The following PTPRA variants were observed in gnomAD, a reference collection of about 807,000 sequenced individuals.
The protein encoded by PTPRA is receptor-type tyrosine-protein phosphatase alpha.
PTPRA carries 25 observed loss-of-function variants against 104.8 expected under a neutral mutation model. That is an observed-to-expected ratio of 0.24 (90% CI 0.17 to 0.33). The LOEUF is 0.33. Ranked by LOEUF, PTPRA falls within the 10% of genes least tolerant of loss-of-function variation. PTPRA has a pLI of 1.00. For synonymous variants in PTPRA, 323 were observed against 368.9 expected, an observed-to-expected ratio of 0.88 and a Z score of 1.43; for missense variants, 765 against 1,015.3, an observed-to-expected ratio of 0.75 and a Z score of 3.35.
chr20:2,908,825 T>C (rs920164342), intron 1 of PTPRA, among the ~76,000 whole-genome samples: 1 of 152,254 alleles, frequency 6.6e-6, no homozygotes, highest in Non-Finnish European at 1.5e-5. Context: ...TAATAACTAA[T>C]GATAGTTATG....
At chr20:2,969,626 G>A (rs564487154) in intron 5 of PTPRA, among the ~76,000 whole-genome samples, 19 of 106,786 alleles carry the variant, frequency 1.8e-4, no homozygotes, top group African/African-American at 6.0e-4. Context: ...AGGCTGAGGC[G>A]GGCAGATCAC....
chr20:2,880,507 A>G (rs1008911730), intron 1 of PTPRA, among the ~76,000 whole-genome samples: 2 of 152,208 alleles, frequency 1.3e-5, no homozygotes, highest in South Asian at 2.1e-4. Flanking sequence ...TACAAAATGG[A>G]CATGCAGAGA....
intron 1 of PTPRA, among the ~76,000 whole-genome samples, chr20:2,895,185 C>T (rs2058951404): frequency 1.3e-5 from 2 of 151,854 alleles, no homozygotes; most frequent in African/African-American, 2.4e-5. Context: ...AAGTGATTCT[C>T]GTGCCTCAGC....
intron 1 of PTPRA, among the ~76,000 whole-genome samples, chr20:2,887,027 C>T (rs1212587300): frequency 1.3e-5 from 2 of 152,004 alleles, no homozygotes; most frequent in African/African-American, 4.8e-5. Flanking sequence ...TAAACACAGC[C>T]ATAGTGCTTC....
At chr20:3,021,828 A>G (rs1257646636) in intron 14 of PTPRA, among the ~76,000 whole-genome samples, 1 of 152,188 alleles carries the variant, frequency 6.6e-6, no homozygotes, top group Non-Finnish European at 1.5e-5. Context: ...CCTTCAGCCA[A>G]GGGGCAGTGT....
At chr20:3,033,429 C>T (rs2065621431) in intron 20 of PTPRA, among the ~76,000 whole-genome samples, 1 of 152,018 alleles carries the variant, frequency 6.6e-6, no homozygotes, top group Non-Finnish European at 1.5e-5. Context: ...GTCATCTGAA[C>T]AAGCCCTCGT....
chr20:2,930,348 G>A (rs1477078899), intron 2 of PTPRA, among the ~76,000 whole-genome samples: 1 of 152,180 alleles, frequency 6.6e-6, no homozygotes, highest in African/African-American at 2.4e-5. Flanking sequence ...GCTTATGAAA[G>A]AAAAGCTCAG....
chr20:3,002,369 C>G (rs1310101702), intron 9 of PTPRA, among the ~76,000 whole-genome samples: 10 of 146,022 alleles, frequency 6.8e-5, no homozygotes, highest in Admixed American at 6.3e-4. Context: ...TCTTTCTGCC[C>G]AGGCTGGAGT....
At chr20:2,864,462 G>GGT in the PTPRA span, 1 of 1,614,186 alleles carries the variant, frequency 6.2e-7, no homozygotes, top group East Asian at 2.2e-5. This position sits in a 1 kb window ranked among gnomAD's most constrained non-coding sequence, Gnocchi z 5.2. Context: ...TGTACCGACA[G>GGT]GTGTGTGTAG....
At chr20:2,867,691 G>A in the PTPRA span, among the ~76,000 whole-genome samples, 2 of 152,104 alleles carry the variant, frequency 1.3e-5, no homozygotes, top group Non-Finnish European at 2.9e-5. Flanking sequence ...TTCCTTTGTC[G>A]CCCCCACTTT....
At chr20:3,006,853 A>G (rs2063897405) in intron 10 of PTPRA, among the ~76,000 whole-genome samples, 1 of 151,754 alleles carries the variant, frequency 6.6e-6, no homozygotes. Context: ...CTGGTCTGGA[A>G]CTCCTGACCT....
At chr20:2,951,982 A>C (rs1342790266) in intron 3 of PTPRA, among the ~76,000 whole-genome samples, 4 of 152,146 alleles carry the variant, frequency 2.6e-5, no homozygotes, top group Non-Finnish European at 5.9e-5. Context: ...TTAGCTGGGC[A>C]TGGTGGTGCG....
upstream of PTPRA, among the ~76,000 whole-genome samples, chr20:2,870,094 C>T (rs1397199106): frequency 7.2e-5 from 11 of 151,852 alleles, no homozygotes; most frequent in East Asian, 1.9e-4. Flanking sequence ...GTTGGCCAGG[C>T]GCAGTGGTTC....
intron 1 of PTPRA, among the ~76,000 whole-genome samples, chr20:2,877,606 T>C (rs146285603): frequency 6.6e-6 from 1 of 152,206 alleles, no homozygotes; most frequent in East Asian, 1.9e-4. Context: ...ATAGCAATAA[T>C]ATAACACTAA....
At chr20:2,885,573 A>G (rs993845258) in intron 1 of PTPRA, among the ~76,000 whole-genome samples, 38 of 152,356 alleles carry the variant, frequency 2.5e-4, no homozygotes, top group African/African-American at 9.1e-4. Flanking sequence ...TGATACTAGG[A>G]AGAACATATC....
Position 3,010,784 on chromosome 20 carries a change from A to G in PTPRA, c.906+3364A>G, listed in dbSNP as rs73606195. On this transcript the variant is annotated intron_variant, in intron 11 of 23. Transcript: ENST00000399903. ...CTCAGGACCAGCAGGCCAGGATTGGATCACATGTTCACATCCCTCTCTAAT... is the reference window on the plus strand; with the variant it reads ...CTCAGGACCAGCAGGCCAGGATTGGGTCACATGTTCACATCCCTCTCTAAT... Among the ~76,000 whole-genome samples the G allele has an allele frequency of 4.0e-4, 61 of 152,314 alleles. No individual in the cohort carries two copies. In the East Asian group the frequency reaches 0.01, roughly 26 times the overall value.
chr20:2,893,107 G>C (rs1377454186), intron 1 of PTPRA, among the ~76,000 whole-genome samples: 1 of 152,208 alleles, frequency 6.6e-6, no homozygotes. Context: ...TGTCAAAGTT[G>C]TATTAGTTTG....
At chr20:2,880,225 A>G (rs1181388228) in intron 1 of PTPRA, among the ~76,000 whole-genome samples, 5 of 152,222 alleles carry the variant, frequency 3.3e-5, no homozygotes, top group African/African-American at 9.7e-5. Flanking sequence ...ATTGAGGTAG[A>G]TAAGATGATC....
chr20:3,019,262 C>T, intron 13 of PTPRA, among the ~76,000 whole-genome samples: 1 of 149,990 alleles, frequency 6.7e-6, no homozygotes, highest in African/African-American at 2.5e-5. Flanking sequence ...CTGACCCCCC[C>T]ACCTCCCTCC....
Sources: gnomAD v4.1 joint callset for allele counts (sites outside exome capture counted in the v4.1 genomes callset) on GRCh38, gnomAD v4.1.1 for gene constraint, Gnocchi (gnomAD v3.1) non-coding constraint, MANE v1.5 for transcripts, NCBI Gene and HGNC (gene_info 2026-07-23, HGNC 2026-07-21) for gene names.